The following SLC12A9 variants were observed in gnomAD, a reference collection of about 807,000 sequenced individuals.
SLC12A9 encodes the protein solute carrier family 12 member 9, also known as CCC-interacting protein 1.
A neutral mutation model predicts 66.0 loss-of-function variants in SLC12A9; 55 were observed. The ratio of observed to expected loss-of-function variants is 0.83; its 90% CI spans 0.67 to 1.04. The LOEUF (loss-of-function observed/expected upper bound fraction) is 1.04, where lower values mean the gene tolerates loss of function less well. Ranked by LOEUF, SLC12A9 falls within the 50% of genes least tolerant of loss-of-function variation. The pLI is 0.00. For synonymous variants in SLC12A9, 577 were observed against 569.0 expected (o/e 1.01, Z -0.20); for missense variants, 1,061 against 1,241.9 (o/e 0.85, Z 2.19).
intron 1 of SLC12A9, among the ~76,000 whole-genome samples, chr7:100,844,977 T>C (rs1399580412): frequency 6.6e-6 from 1 of 152,004 alleles, no homozygotes; most frequent in Non-Finnish European, 1.5e-5. Flanking sequence ...GGAGCTGTAA[T>C]AGGAGATCAA....
In SLC12A9 at chr7:100,857,326, C is replaced by T. The variant is rs1209003244; in HGVS notation, c.757+150C>T. On this transcript the variant is annotated intron_variant, in intron 5 of 13. Coordinates refer to ENST00000354161, the MANE Select transcript of SLC12A9 (RefSeq NM_020246.4). ...CAGAGCAGTGCAATTTAATTCAAGC[C>T]TGTCTAGCGTGTGCTTGGCCGGCAG... The T allele has an allele frequency of 6.7e-6, 6 of 896,586 alleles. No homozygotes were observed. In the East Asian group the frequency reaches 1.6e-4, roughly 24 times the overall value. 55.5% of individuals were successfully genotyped at this position (896,586 alleles called of 1,614,324 possible).
intron 1 of SLC12A9, among the ~76,000 whole-genome samples, chr7:100,833,632 C>T (rs2116497698): frequency 6.6e-6 from 1 of 151,956 alleles, no homozygotes; most frequent in Non-Finnish European, 1.5e-5. Flanking sequence ...CATAGTGAGA[C>T]CCCAGCTCTA....
chr7:100,834,141 G>A (rs1813597258), intron 1 of SLC12A9, among the ~76,000 whole-genome samples: 1 of 152,086 alleles, frequency 6.6e-6, no homozygotes, highest in South Asian at 2.1e-4. Flanking sequence ...GCCGATGCAG[G>A]TTTCAGGTGA....
intron 1 of SLC12A9, among the ~76,000 whole-genome samples, chr7:100,853,690 T>A (rs1262798761): frequency 6.6e-6 from 1 of 151,450 alleles, no homozygotes; most frequent in Non-Finnish European, 1.5e-5. Flanking sequence ...GCCTCCCAAG[T>A]AGCTGTGATT....
upstream of SLC12A9, among the ~76,000 whole-genome samples, chr7:100,848,259 T>G (rs538970457): frequency 6.6e-6 from 1 of 151,474 alleles, no homozygotes; most frequent in Non-Finnish European, 1.5e-5. Flanking sequence ...AATCCCAGCA[T>G]TTTGGGAGGC....
In SLC12A9 at chr7:100,856,931, G is replaced by A; in HGVS notation, c.512G>A (p.Gly171Asp). 1 of 1,612,508 alleles carries A rather than the reference G, an allele frequency of 6.2e-7. No individual in the cohort carries two copies. ...PQGYGWNLLY[G>D]SLLLGLVGGV... ...GGCTACGGCTGGAACCTGCTGTATG[G>A]CTCCCTGCTGCTGGGCCTTGTGGGT... is the stretch of plus-strand genomic sequence containing the variant. Residue 171 changes from glycine (G) to aspartate (D), a missense_variant, in exon 5 of 14, where the codon GGC becomes GAC. By Grantham distance (94) the Gly-to-Asp change is moderately conservative. Coordinates refer to ENST00000354161, the MANE Select transcript of SLC12A9 (RefSeq NM_020246.4).
At chr7:100,844,387 G>A (rs965263041) in intron 1 of SLC12A9, among the ~76,000 whole-genome samples, 4 of 152,214 alleles carry the variant, frequency 2.6e-5, no homozygotes, top group East Asian at 1.9e-4. Flanking sequence ...GCTCACAAAC[G>A]ATATGAGTAA....
At chr7:100,827,135 T>G in intron 1 of SLC12A9, 3 of 1,273,546 alleles carry the variant, frequency 2.4e-6, no homozygotes, top group Non-Finnish European at 3.2e-6. Context: ...CGCGCGGGAC[T>G]CCTCGTCGGG....
chr7:100,840,407 C>A (rs2116522154), intron 1 of SLC12A9, among the ~76,000 whole-genome samples: 1 of 152,142 alleles, frequency 6.6e-6, no homozygotes, highest in East Asian at 1.9e-4. Context: ...TGGACAGGTC[C>A]CTTGTTTCAA....
At position 100,862,796 on chromosome 7, in the gene SLC12A9, G is replaced by A. The variant is rs1562995917; in HGVS notation, c.1827G>A (p.Gly609=). 6.2e-7 allele frequency: 1 copy of A among 1,614,028 alleles called. No homozygotes were observed. The highest frequency in any genetic ancestry group is 1.1e-5 in the South Asian group (1 of 91,090). ...DLTLSPSVRQ[G]AQHLLRISGL... is the part of the protein sequence containing the mutation. ...CCCTCTCACCCTCCGTGCGCCAGGG[G>A]GCTCAGCATCTGCTGCGAATCTCCG... Residue 609 remains glycine, a synonymous_variant, in exon 13 of 14, where the codon GGG becomes GGA. Transcript: ENST00000354161.
chr7:100,856,007 A>G, intron 4 of SLC12A9, 170 bp downstream of exon 4: 2 of 1,045,720 alleles, frequency 1.9e-6, no homozygotes, highest in Middle Eastern at 3.4e-4. Context: ...GACATCCCTG[A>G]GATTGTCCTT....
At chr7:100,844,386 C>T (rs541508546) in intron 1 of SLC12A9, among the ~76,000 whole-genome samples, 3 of 152,106 alleles carry the variant, frequency 2.0e-5, no homozygotes, top group East Asian at 1.9e-4. Flanking sequence ...GGCTCACAAA[C>T]GATATGAGTA....
chr7:100,855,564 C>T (rs538931809), intron 3 of SLC12A9, 142 bp from the exon 4 acceptor site: 249 of 990,286 alleles, frequency 2.5e-4, no homozygotes, highest in Non-Finnish European at 3.1e-4. Context: ...CAGAAACTGG[C>T]ACTCAGAGGA....
intron 1 of SLC12A9, chr7:100,837,230 A>C (rs1255732609): frequency 6.6e-6 from 1 of 152,278 alleles, no homozygotes; most frequent in Non-Finnish European, 1.5e-5. Flanking sequence ...GGCATGAGTC[A>C]CTGGGCCCAG....
In SLC12A9 at chr7:100,861,540, C is replaced by G. The variant is rs1428206137; in HGVS notation, c.1492C>G (p.Pro498Ala). The change falls in exon 11 of 14, where the codon CCC (proline) becomes GCC (alanine). Residue 498 changes from proline to alanine, a missense_variant. Physicochemically the swap from Pro to Ala is conservative, Grantham distance 27. Transcript: ENST00000354161. The surrounding 1 kb of genome is among the most constrained non-coding windows in gnomAD (Gnocchi z 5.3). ...TGCCCTGCTCACCGCGCGAGGAGGCCCCAGTAGCTGGGGCTATGTCAGCCA... is the reference window on the plus strand; with the variant it reads ...TGCCCTGCTCACCGCGCGAGGAGGCGCCAGTAGCTGGGGCTATGTCAGCCA... ...LAALLTARGG[P>A]SSWGYVSQAL... The G allele has an allele frequency of 2.5e-6, 4 of 1,613,772 alleles. No homozygotes were observed. Among genetic ancestry groups the G allele is most frequent in the Non-Finnish European group, 3.4e-6 (4 of 1,180,022 alleles).
chr7:100,842,870 A>G (rs1813815535), intron 1 of SLC12A9, among the ~76,000 whole-genome samples: 1 of 152,204 alleles, frequency 6.6e-6, no homozygotes, highest in Admixed American at 6.5e-5. Context: ...GCCTGGAGTA[A>G]TAAGTCATGC....
intron 13 of SLC12A9, among the ~76,000 whole-genome samples, chr7:100,863,046 G>T (rs984039654): frequency 1.3e-5 from 2 of 148,634 alleles, no homozygotes; most frequent in Non-Finnish European, 3.0e-5. Flanking sequence ...GATGTTGTGG[G>T]TTTTTTTTCC....
chr7:100,850,605 A>G (rs1416099524), upstream of SLC12A9, among the ~76,000 whole-genome samples: 5 of 151,948 alleles, frequency 3.3e-5, no homozygotes, highest in Admixed American at 3.3e-4. Flanking sequence ...CACTGGCACT[A>G]TCATAGCTCA....
intron 12 of SLC12A9, 112 bp downstream of exon 12, chr7:100,862,023 G>A (rs1814791377): frequency 5.9e-6 from 7 of 1,186,314 alleles, no homozygotes; most frequent in South Asian, 1.6e-5. Flanking sequence ...GCAGTGGGAC[G>A]ATCTTGGCTC....
Sources: allele counts gnomAD v4.1 joint callset (sites outside exome capture counted in the v4.1 genomes callset), GRCh38; gene constraint gnomAD v4.1.1; non-coding constraint Gnocchi (gnomAD v3.1); transcripts MANE v1.5; gene names NCBI Gene and HGNC (gene_info 2026-07-23, HGNC 2026-07-21).